PLEKHA1: variants seen among roughly 807,000 people sequenced by gnomAD.
The protein encoded by PLEKHA1 is pleckstrin homology domain-containing family A member 1.
In PLEKHA1, 34 loss-of-function variants were observed where a neutral mutation model predicts 52.0. The observed-to-expected ratio is 0.65, with a 90% confidence interval of 0.50 to 0.87. The LOEUF (loss-of-function observed/expected upper bound fraction) is 0.87, where lower values mean the gene tolerates loss of function less well. PLEKHA1 is among the 40% of genes least tolerant of loss of function. PLEKHA1 has a pLI of 0.00. For synonymous variants in PLEKHA1, 163 were observed against 170.7 expected (o/e 0.95, Z 0.35); for missense variants, 497 against 504.2 (o/e 0.99, Z 0.14).
In PLEKHA1 at chr10:122,413,043, C is replaced by G. The variant is rs1294179300; in HGVS notation, c.466C>G (p.Gln156Glu). The G allele has an allele frequency of 6.2e-7, 1 of 1,611,478 alleles. No homozygotes were observed. Among genetic ancestry groups the G allele is most frequent in the Non-Finnish European group, 8.5e-7 (1 of 1,178,344 alleles). Residue 156 changes from glutamine to glutamate, a missense_variant and splice_region_variant, in exon 6 of 12, where the codon CAG (glutamine) becomes GAG (glutamate). Physicochemically the swap from Gln to Glu is conservative, Grantham distance 29. Coordinates refer to ENST00000368990, the MANE Select transcript of PLEKHA1 (RefSeq NM_001001974.4). ...VGGVPIITPTQKEEVNECGES... is the reference protein window; with the variant it reads ...VGGVPIITPTEKEEVNECGES... The stretch of plus-strand genomic sequence containing the variant: ...TGGCGTACCCATCATTACTCCCACT[C>G]AGGTAATTAAGTAACTCTTCTATTG...
At chr10:122,404,148 G>T (rs2096971018) in intron 4 of PLEKHA1, among the ~76,000 whole-genome samples, 1 of 152,186 alleles carries the variant, frequency 6.6e-6, no homozygotes, top group Non-Finnish European at 1.5e-5. Context: ...CAGATGAGGA[G>T]TATCGGGCTC....
intron 1 of PLEKHA1, among the ~76,000 whole-genome samples, chr10:122,382,999 A>T (rs2096635675): frequency 6.6e-6 from 1 of 152,160 alleles, no homozygotes; most frequent in Non-Finnish European, 1.5e-5. Flanking sequence ...CCAGCAATGT[A>T]AGAGTTTCTG....
chr10:122,391,344 C>A (rs542249929), intron 1 of PLEKHA1, among the ~76,000 whole-genome samples: 106 of 152,232 alleles, frequency 7.0e-4, no homozygotes, highest in Non-Finnish European at 1.3e-3. Flanking sequence ...TCTAAGAATT[C>A]ATTGCCAATT....
chr10:122,388,795 A>G (rs2096736186), intron 1 of PLEKHA1, among the ~76,000 whole-genome samples: 1 of 152,216 alleles, frequency 6.6e-6, no homozygotes, highest in African/African-American at 2.4e-5. Flanking sequence ...TGATTAGGAT[A>G]GTGGTTGCTG....
chr10:122,422,867 G>A (rs924383343), intron 8 of PLEKHA1: 2 of 152,072 alleles, frequency 1.3e-5, no homozygotes, highest in Admixed American at 6.6e-5. Context: ...TTTAGTAAAG[G>A]TACATCATAT....
the PLEKHA1 span, chr10:122,439,990 T>C: frequency 3.9e-5 from 6 of 152,216 alleles, no homozygotes; most frequent in Non-Finnish European, 7.3e-5. Flanking sequence ...TATACAGAAC[T>C]TATTTAAGGA....
At position 122,424,946 on chromosome 10, in the gene PLEKHA1, C is replaced by A; in HGVS notation, c.797C>A (p.Thr266Asn). Reference protein sequence around the residue: ...NLFEIVTTSRTFYVQADSPEE... With the variant: ...NLFEIVTTSRNFYVQADSPEE... ...TTTGAAATTGTAACAACGTCTCGAA[C>A]TTTCTATGTGCAGGTAAGATGCTTA... The change falls in exon 10 of 12, where the codon ACT becomes AAT. Residue 266 changes from threonine to asparagine, a missense_variant. Thr to Asn is a moderately conservative substitution (Grantham distance 65). Transcript: ENST00000368990. The A allele has an allele frequency of 6.2e-7, 1 of 1,608,160 alleles. No homozygotes were observed. Among genetic ancestry groups the A allele is most frequent in the Non-Finnish European group, 8.5e-7 (1 of 1,177,058 alleles).
chr10:122,426,820 C>T lies in PLEKHA1; in HGVS notation c.811-122C>T, dbSNP rs142937708. On this transcript the variant is annotated intron_variant, in intron 10 of 11. Transcript: ENST00000368990. ...AAATGATTTCTAAATTTTTTGGAAA[C>T]AGTTGCCTTAGAGTGATTTTGTTGA... The T allele has an allele frequency of 4.0e-4, 349 of 879,010 alleles. 1 individual carries two copies. In the African/African-American group the frequency reaches 5.7e-3, roughly 14 times the overall value. 54.5% of individuals were successfully genotyped at this position (879,010 alleles called of 1,614,324 possible).
chr10:122,394,512 C>T (rs967230869), intron 2 of PLEKHA1, among the ~76,000 whole-genome samples: 4 of 152,058 alleles, frequency 2.6e-5, no homozygotes, highest in Non-Finnish European at 5.9e-5. Context: ...GTAGGCTTCT[C>T]GTGTGGGTGA....
chr10:122,438,223 C>T, the PLEKHA1 span: 1 of 152,224 alleles, frequency 6.6e-6, no homozygotes, highest in African/African-American at 2.4e-5. Context: ...TGCCACTGCA[C>T]TCTAGCCTGG....
intron 5 of PLEKHA1, among the ~76,000 whole-genome samples, chr10:122,407,319 T>G (rs76935275): frequency 0.096 from 14,611 of 152,224 alleles, 839 homozygotes; most frequent in Middle Eastern, 0.17. Context: ...AATGTGTGCT[T>G]CTTTTCTTTT....
chr10:122,400,280 A>T, intron 3 of PLEKHA1, 63 bp from the exon 4 acceptor site: 1 of 1,332,224 alleles, frequency 7.5e-7, no homozygotes, highest in South Asian at 1.3e-5. Context: ...TTTACATAGT[A>T]TATAAGGTTG....
chr10:122,433,423 C>T (rs937618554), downstream of PLEKHA1: 1 of 152,292 alleles, frequency 6.6e-6, no homozygotes, highest in Non-Finnish European at 1.5e-5. Flanking sequence ...TCATTAGGAT[C>T]TGTGCCCAGG....
intron 2 of PLEKHA1, among the ~76,000 whole-genome samples, chr10:122,394,765 C>G (rs2096828038): frequency 6.6e-6 from 1 of 152,160 alleles, no homozygotes; most frequent in African/African-American, 2.4e-5. Context: ...CCTATTTTCT[C>G]TCCCTGATTT....
chr10:122,413,530 CAA>C (rs2097134670), intron 6 of PLEKHA1, among the ~76,000 whole-genome samples: 1 of 152,016 alleles, frequency 6.6e-6, no homozygotes. Flanking sequence ...ATTGCTGAGT[CAA>C]GAGTTTGCAA....
At chr10:122,412,376 C>T (rs1291504918) in intron 5 of PLEKHA1, 2 of 152,204 alleles carry the variant, frequency 1.3e-5, no homozygotes, top group Non-Finnish European at 2.9e-5. Flanking sequence ...ATTGAATACA[C>T]TATGGTTTTG....
chr10:122,407,031 G>T (rs1164251470), intron 5 of PLEKHA1, among the ~76,000 whole-genome samples: 1 of 152,180 alleles, frequency 6.6e-6, no homozygotes, highest in Non-Finnish European at 1.5e-5. Flanking sequence ...CCTACCTGGG[G>T]AATAGGCACT....
At chr10:122,426,322 A>G (rs925867197) in intron 10 of PLEKHA1, among the ~76,000 whole-genome samples, 10 of 148,976 alleles carry the variant, frequency 6.7e-5, no homozygotes, top group African/African-American at 2.5e-4. Flanking sequence ...TGTTAATATT[A>G]CTTATTCAAA....
At chr10:122,424,289 C>T (rs760408168) in intron 9 of PLEKHA1, 26 bp downstream of exon 9, 32 of 1,576,238 alleles carry the variant, frequency 2.0e-5, no homozygotes, top group Non-Finnish European at 2.5e-5. Context: ...GACTTGATGC[C>T]TGGCACAAGT....
Sources: gnomAD v4.1 joint callset for allele counts (sites outside exome capture counted in the v4.1 genomes callset) on GRCh38, gnomAD v4.1.1 for gene constraint, MANE v1.5 for transcripts, NCBI Gene and HGNC (gene_info 2026-07-23, HGNC 2026-07-21) for gene names.